PLS1: variants seen among roughly 807,000 people sequenced by gnomAD.
The protein encoded by PLS1 is plastin 1.
PLS1 carries 32 observed loss-of-function variants against 73.7 expected under a neutral mutation model. The observed-to-expected ratio is 0.43, with a 90% CI of 0.33 to 0.58. PLS1 has a LOEUF of 0.58. Among genes scored for constraint, PLS1 ranks in the 20% least tolerant of loss-of-function variants. The pLI is 0.04. For missense variants in PLS1, 633 were observed against 740.5 expected, an observed-to-expected ratio of 0.85 and a Z score of 1.68; for synonymous variants, 217 against 261.3, an observed-to-expected ratio of 0.83 and a Z score of 1.63.
chr3:142,645,065 A>G (rs554156772), intron 1 of PLS1, among the ~76,000 whole-genome samples: 1 of 152,350 alleles, frequency 6.6e-6, no homozygotes, highest in East Asian at 1.9e-4. Flanking sequence ...TGGCATTCAG[A>G]CTATTAAAAT....
chr3:142,609,474 C>T (rs1365183668), intron 1 of PLS1, among the ~76,000 whole-genome samples: 1 of 152,234 alleles, frequency 6.6e-6, no homozygotes, highest in African/African-American at 2.4e-5. Context: ...ACAAATATCA[C>T]TTTGACTCAC....
chr3:142,671,324 A>C (rs181058583), intron 4 of PLS1, among the ~76,000 whole-genome samples: 18 of 152,344 alleles, frequency 1.2e-4, no homozygotes, highest in Non-Finnish European at 2.5e-4. Context: ...AAAATGAAAA[A>C]TCCTAGAATC....
intron 1 of PLS1, among the ~76,000 whole-genome samples, chr3:142,600,949 A>T: frequency 1.6e-5 from 1 of 64,138 alleles, no homozygotes; most frequent in Non-Finnish European, 2.7e-5. Context: ...TTTGAGACGG[A>T]GTCTCGCTCT....
chr3:142,637,872 CTA>C (rs1216879815), intron 1 of PLS1, among the ~76,000 whole-genome samples: 4 of 150,850 alleles, frequency 2.7e-5, no homozygotes, highest in South Asian at 2.1e-4. Flanking sequence ...CTCTCTCTCT[CTA>C]TATATATATG....
intron 1 of PLS1, among the ~76,000 whole-genome samples, chr3:142,609,270 T>G (rs2036077032): frequency 2.0e-5 from 3 of 152,346 alleles, no homozygotes; most frequent in Non-Finnish European, 4.4e-5. Context: ...TCTCCATTAC[T>G]GTCTTGCTCA....
At chr3:142,638,085 T>G (rs2036737668) in intron 1 of PLS1, among the ~76,000 whole-genome samples, 1 of 152,166 alleles carries the variant, frequency 6.6e-6, no homozygotes, top group African/African-American at 2.4e-5. Context: ...TCGCTTAACC[T>G]GAGATTCCAA....
intron 1 of PLS1, among the ~76,000 whole-genome samples, chr3:142,597,073 A>G (rs919819464): frequency 2.6e-5 from 4 of 152,180 alleles, no homozygotes; most frequent in African/African-American, 9.7e-5. Context: ...AAAAAAATTT[A>G]AGATTTCTCC....
intron 9 of PLS1, among the ~76,000 whole-genome samples, chr3:142,687,419 G>A (rs932616598): frequency 5.3e-5 from 8 of 152,210 alleles, no homozygotes; most frequent in East Asian, 3.9e-4. Context: ...TGCGGCGTCC[G>A]TAACATTTGG....
At chr3:142,684,227 T>C (rs2037915070) in intron 7 of PLS1, 26 bp from the exon 8 acceptor site, 1 of 1,613,808 alleles carries the variant, frequency 6.2e-7, no homozygotes, top group South Asian at 1.1e-5. Context: ...ATGGGAAGAA[T>C]TTACATTTCG....
At chr3:142,614,184 A>G (rs1246061576) in intron 1 of PLS1, among the ~76,000 whole-genome samples, 3 of 152,236 alleles carry the variant, frequency 2.0e-5, no homozygotes, top group African/African-American at 7.2e-5. Context: ...ATGACTGAAG[A>G]TGGAAGCAAC....
At chr3:142,602,806 C>T (rs1378618621) in intron 1 of PLS1, among the ~76,000 whole-genome samples, 1 of 144,994 alleles carries the variant, frequency 6.9e-6, no homozygotes, top group Admixed American at 6.7e-5. Flanking sequence ...GTTCTGTGTT[C>T]CCAGGATATG....
intron 6 of PLS1, among the ~76,000 whole-genome samples, chr3:142,679,659 C>A (rs962634711): frequency 2.0e-5 from 3 of 151,286 alleles, no homozygotes; most frequent in Admixed American, 6.6e-5. Flanking sequence ...CAGTACCATG[C>A]TGTTTTGGTT....
chr3:142,661,453 A>G (rs1478994954), intron 1 of PLS1, among the ~76,000 whole-genome samples: 2 of 152,210 alleles, frequency 1.3e-5, no homozygotes, highest in African/African-American at 4.8e-5. Context: ...AAAAATTGTA[A>G]GAGATAGAAA....
At chr3:142,679,100 A>G (rs1357329144) in intron 6 of PLS1, among the ~76,000 whole-genome samples, 6 of 150,912 alleles carry the variant, frequency 4.0e-5, no homozygotes, top group East Asian at 1.9e-4. Context: ...CATGTCCTTC[A>G]CCCACTTTTT....
chr3:142,667,582 T>C (rs2037506538), intron 2 of PLS1, among the ~76,000 whole-genome samples: 1 of 152,172 alleles, frequency 6.6e-6, no homozygotes, highest in East Asian at 1.9e-4. Flanking sequence ...TTAGATGGTT[T>C]CTATTAGTTC....
chr3:142,631,065 G>C (rs1187804636), intron 1 of PLS1, among the ~76,000 whole-genome samples: 1 of 151,756 alleles, frequency 6.6e-6, no homozygotes, highest in Non-Finnish European at 1.5e-5. Flanking sequence ...TTGGAAAATT[G>C]GATATCCATA....
Position 142,713,517 on chromosome 3 carries a change from CTTTTA to C in PLS1, c.*1512_*1516del, listed in dbSNP as rs1300916183. Reference sequence around the variant, plus strand: ...CTTAAGATTAAGATATGTTCTTGCTCTTTTATAAGATTATTTAAATTATGTTTCCC... The same window carrying C: ...CTTAAGATTAAGATATGTTCTTGCTCTAAGATTATTTAAATTATGTTTCCC... On this transcript the variant is annotated 3_prime_UTR_variant, in exon 16 of 16. Transcript: ENST00000457734. 6.6e-6 allele frequency: 1 copy of C among 152,322 alleles called. No individual in the cohort carries two copies. The highest frequency in any genetic ancestry group is 2.4e-5 in the African/African-American group (1 of 41,372). The allele number at this position is 152,322 out of a possible 1,614,324, so 9.4% of individuals were successfully genotyped here.
intron 4 of PLS1, 141 bp from the exon 5 acceptor site, chr3:142,676,013 TTAG>T (rs1431608973): frequency 1.5e-6 from 1 of 684,442 alleles, no homozygotes; most frequent in Non-Finnish European, 2.4e-6. Flanking sequence ...CTTTTGTGTT[TTAG>T]TAGATTTGTA....
Position 142,615,951 on chromosome 3 carries a change from G to A in PLS1, c.-37+19442G>A, listed in dbSNP as rs772443786. On this transcript the variant is annotated intron_variant, in intron 1 of 15. Coordinates refer to ENST00000457734, the MANE Select transcript of PLS1 (RefSeq NM_001145319.2). ...TTCCAGACAAACTGAATCAAAGATT[G>A]TGGAGGATGGACCCAGGAGACTATG... 7.3e-5 allele frequency among the ~76,000 whole-genome samples: 11 copies of A among 151,452 alleles called. 1 individual carries two copies. Among genetic ancestry groups the A allele is most frequent in the Non-Finnish European group, 1.2e-4 (8 of 67,942 alleles).
Sources: allele counts gnomAD v4.1 joint callset (sites outside exome capture counted in the v4.1 genomes callset), GRCh38; gene constraint gnomAD v4.1.1; transcripts MANE v1.5; gene names NCBI Gene and HGNC (gene_info 2026-07-23, HGNC 2026-07-21).